Variants in OPHN1 observed in about 807,000 individuals in gnomAD.
OPHN1 encodes oligophrenin 1.
Under a neutral mutation model 60.7 loss-of-function variants are expected in OPHN1, and 11 were observed. The ratio of observed to expected loss-of-function variants is 0.18; its 90% CI spans 0.11 to 0.30. OPHN1 has a LOEUF of 0.30. Ranked by LOEUF, OPHN1 falls within the 10% of genes least tolerant of loss-of-function variation. The probability of loss-of-function intolerance (pLI) is 1.00; values close to 1 mark genes in which losing one functional copy is unlikely to be tolerated. For synonymous variants in OPHN1, 226 were observed against 222.6 expected, an observed-to-expected ratio of 1.02 and a Z score of -0.14; for missense variants, 449 against 611.0, an observed-to-expected ratio of 0.73 and a Z score of 2.80.
chrX:68,317,338 G>GGAAAGAAAGAAAGAAGGAAA (rs2078204712), intron 2 of OPHN1, among the ~76,000 whole-genome samples: 1 of 28,839 alleles, frequency 3.5e-5, no homozygotes. Context: ...AAGAAAGAGA[G>GGAAAGAAAGAAAGAAGGAAA]GAAAGAAAGA....
chrX:68,271,371 C>T (rs866298909), intron 5 of OPHN1, among the ~76,000 whole-genome samples: 2 of 70,319 alleles, frequency 2.8e-5, no homozygotes, highest in Non-Finnish European at 5.7e-5. Flanking sequence ...ACAGAAATTA[C>T]AAAAAAAAAA....
At position 68,186,255 on chromosome X, in the gene OPHN1, A is replaced by T. The variant is rs188081761; in HGVS notation, c.1276+6664T>A. Among the ~76,000 whole-genome samples, 644 of 111,266 alleles carry T rather than the reference A, an allele frequency of 5.8e-3. 6 individuals carry two copies. The highest frequency in any genetic ancestry group is 0.02 in the African/African-American group (613 of 30,554). On this transcript the variant is annotated intron_variant, in intron 15 of 24. Transcript: ENST00000355520. Reference sequence around the variant, plus strand: ...ATCTGGCACTTAGGAGGTACTCAAGATTACTATGTTGAATGAATGAAAGAA... The same window carrying T: ...ATCTGGCACTTAGGAGGTACTCAAGTTTACTATGTTGAATGAATGAAAGAA...
At chrX:68,195,813 G>A (rs751300580) in intron 12 of OPHN1, among the ~76,000 whole-genome samples, 36 of 111,914 alleles carry the variant, frequency 3.2e-4, no homozygotes, top group South Asian at 2.6e-3. Context: ...TTCTAAACAA[G>A]GGATTTGTGG....
chrX:68,384,578 C>T (rs12859712), intron 2 of OPHN1, among the ~76,000 whole-genome samples: 2,606 of 111,083 alleles, frequency 0.023, 40 homozygotes, highest in African/African-American at 0.052. Context: ...AAAAATTAGC[C>T]AGGCATGTTG....
At chrX:68,129,110 T>C (rs1334363034) in intron 15 of OPHN1, among the ~76,000 whole-genome samples, 1 of 111,806 alleles carries the variant, frequency 8.9e-6, no homozygotes. Flanking sequence ...AAATAAAACA[T>C]AAGTGGATTT....
At chrX:68,233,949 T>C (rs768136465) in intron 6 of OPHN1, among the ~76,000 whole-genome samples, 21 of 110,271 alleles carry the variant, frequency 1.9e-4, no homozygotes, top group African/African-American at 6.9e-4. Flanking sequence ...TCATGTCTCA[T>C]TGTTTCTGTA....
chrX:68,378,792 A>C (rs1424338204), intron 2 of OPHN1, among the ~76,000 whole-genome samples: 1 of 111,122 alleles, frequency 9.0e-6, no homozygotes, highest in Non-Finnish European at 1.9e-5. Flanking sequence ...ATTGATCTAT[A>C]TCTCTGTTTT....
chrX:68,231,492 C>T (rs1198160330), intron 6 of OPHN1, among the ~76,000 whole-genome samples: 1 of 111,663 alleles, frequency 9.0e-6, no homozygotes, highest in Non-Finnish European at 1.9e-5. Context: ...TAAAAGCCTG[C>T]ACACAATTTT....
chrX:68,239,592 A>T (rs1331663312), intron 5 of OPHN1, among the ~76,000 whole-genome samples: 2 of 110,798 alleles, frequency 1.8e-5, no homozygotes, highest in East Asian at 5.7e-4. Context: ...TATTGCACGT[A>T]TTAAAAATAA....
chrX:68,100,840 G>A (rs2077055611), intron 18 of OPHN1, among the ~76,000 whole-genome samples: 3 of 110,097 alleles, frequency 2.7e-5, no homozygotes, highest in Admixed American at 9.7e-5. Flanking sequence ...TCCGCCTCCC[G>A]GGTTCATGCC....
At chrX:68,289,434 A>T (rs1351146340) in intron 3 of OPHN1, among the ~76,000 whole-genome samples, 5 of 112,479 alleles carry the variant, frequency 4.4e-5, no homozygotes, top group African/African-American at 1.6e-4. Flanking sequence ...AAGGTCATAT[A>T]AATTACAGTG....
At chrX:68,252,116 G>T (rs2077838675) in intron 5 of OPHN1, among the ~76,000 whole-genome samples, 1 of 111,198 alleles carries the variant, frequency 9.0e-6, no homozygotes, top group African/African-American at 3.3e-5. Flanking sequence ...TCTGCCTCAG[G>T]TGACCCTCTG....
intron 19 of OPHN1, among the ~76,000 whole-genome samples, chrX:68,077,059 A>G (rs936084084): frequency 8.9e-6 from 1 of 111,851 alleles, no homozygotes; most frequent in African/African-American, 3.2e-5. Flanking sequence ...TGAAAAGGAC[A>G]TACAAAGGAA....
At chrX:68,405,758 T>C (rs1186474326) in intron 2 of OPHN1, among the ~76,000 whole-genome samples, 2 of 112,010 alleles carry the variant, frequency 1.8e-5, no homozygotes, top group Non-Finnish European at 3.8e-5. Flanking sequence ...TTCCCATTTT[T>C]TAACCTCTAT....
chrX:68,300,546 C>T (rs1319574303), intron 2 of OPHN1, among the ~76,000 whole-genome samples: 1 of 112,425 alleles, frequency 8.9e-6, no homozygotes, highest in East Asian at 2.8e-4. Flanking sequence ...ACATTTTCCA[C>T]TACAAATCTA....
At chrX:68,202,185 C>T (rs776239912) in intron 10 of OPHN1, among the ~76,000 whole-genome samples, 11 of 111,651 alleles carry the variant, frequency 9.9e-5, no homozygotes, top group Non-Finnish European at 1.7e-4. Context: ...GGGAGAAAAA[C>T]ATTTCTGTCT....
At chrX:68,268,637 C>T (rs2058004909) in intron 5 of OPHN1, among the ~76,000 whole-genome samples, 1 of 111,473 alleles carries the variant, frequency 9.0e-6, no homozygotes, top group Admixed American at 9.6e-5. Context: ...CAATATCATA[C>T]TGAATGGGCA....
chrX:68,221,681 G>A (rs1251136721), intron 6 of OPHN1, among the ~76,000 whole-genome samples: 2 of 78,443 alleles, frequency 2.5e-5, no homozygotes, highest in Non-Finnish European at 5.1e-5. Flanking sequence ...AATGGGGAAC[G>A]ATTCCCTATT....
intron 2 of OPHN1, among the ~76,000 whole-genome samples, chrX:68,413,758 C>G (rs759192612): frequency 5.4e-5 from 6 of 110,919 alleles, no homozygotes; most frequent in Non-Finnish European, 1.1e-4. Flanking sequence ...AAACAACAAA[C>G]AAACAAACAA....
Sources: gnomAD v4.1 joint callset for allele counts (sites outside exome capture counted in the v4.1 genomes callset) on GRCh38, gnomAD v4.1.1 for gene constraint, MANE v1.5 for transcripts, NCBI Gene and HGNC (gene_info 2026-07-23, HGNC 2026-07-21) for gene names.